The following SEMA5A variants were observed in gnomAD, a reference collection of about 807,000 sequenced individuals.
SEMA5A encodes the protein semaphorin 5A.
SEMA5A carries 55 observed loss-of-function variants against 135.5 expected under a neutral mutation model. That is an observed-to-expected ratio of 0.41 (90% CI 0.33 to 0.51). SEMA5A has a LOEUF of 0.51. Among genes scored for constraint, SEMA5A ranks in the 20% least tolerant of loss-of-function variants. The pLI, the probability that SEMA5A is intolerant of heterozygous loss-of-function variation, is 0.37. For synonymous variants in SEMA5A, 580 were observed against 546.5 expected, an observed-to-expected ratio of 1.06 and a Z score of -0.85; for missense variants, 1,290 against 1,419.9, an observed-to-expected ratio of 0.91 and a Z score of 1.47.
At chr5:9,291,762 T>C (rs1229357236) in intron 5 of SEMA5A, among the ~76,000 whole-genome samples, 1 of 86,096 alleles carries the variant, frequency 1.2e-5, no homozygotes, top group South Asian at 4.3e-4. Flanking sequence ...AGCCAAGTTC[T>C]TTTTTTTTTT....
intron 2 of SEMA5A, among the ~76,000 whole-genome samples, chr5:9,418,535 C>T (rs1416722184): frequency 6.6e-6 from 1 of 152,192 alleles, no homozygotes; most frequent in African/African-American, 2.4e-5. Flanking sequence ...TCCTCAGCCC[C>T]CTCCCATGAT....
intron 11 of SEMA5A, among the ~76,000 whole-genome samples, chr5:9,167,749 G>C (rs1348422743): frequency 6.6e-6 from 1 of 152,150 alleles, no homozygotes; most frequent in East Asian, 1.9e-4. Context: ...AGTGCATTAA[G>C]TCAAACCAAA....
intron 1 of SEMA5A, among the ~76,000 whole-genome samples, chr5:9,491,014 A>T (rs2126799851): frequency 6.6e-6 from 1 of 152,252 alleles, no homozygotes; most frequent in African/African-American, 2.4e-5. Context: ...GAGTTGTCCA[A>T]ACCCATGGGC....
intron 11 of SEMA5A, among the ~76,000 whole-genome samples, chr5:9,167,932 T>C (rs1165532453): frequency 6.6e-6 from 1 of 152,152 alleles, no homozygotes; most frequent in Non-Finnish European, 1.5e-5. Flanking sequence ...CAGAAGTCAA[T>C]CTTTAAGCTC....
chr5:9,212,072 C>A (rs1485630465), intron 8 of SEMA5A, among the ~76,000 whole-genome samples: 3 of 152,238 alleles, frequency 2.0e-5, no homozygotes, highest in Non-Finnish European at 4.4e-5. Flanking sequence ...GATGTTCATG[C>A]TGAGTTATTA....
At chr5:9,486,011 G>A (rs540001962) in intron 1 of SEMA5A, among the ~76,000 whole-genome samples, 3 of 151,892 alleles carry the variant, frequency 2.0e-5, no homozygotes, top group Admixed American at 2.0e-4. Flanking sequence ...AAACTCCTTG[G>A]GGACCAACCC....
intron 6 of SEMA5A, among the ~76,000 whole-genome samples, chr5:9,233,827 C>T (rs993691448): frequency 1.3e-5 from 2 of 152,118 alleles, no homozygotes. Flanking sequence ...CCCTGCACAC[C>T]CAGCCACCTC....
At chr5:9,522,903 A>C (rs986798878) in intron 1 of SEMA5A, 3 of 152,202 alleles carry the variant, frequency 2.0e-5, no homozygotes, top group African/African-American at 7.2e-5. Flanking sequence ...ATAGCTCTTC[A>C]TAATGTTATT....
At chr5:9,189,126 C>A (rs1744957460) in intron 11 of SEMA5A, among the ~76,000 whole-genome samples, 1 of 152,240 alleles carries the variant, frequency 6.6e-6, no homozygotes, top group African/African-American at 2.4e-5. Context: ...CCTTCTCAGT[C>A]CCTGCTTAGC....
At chr5:9,423,492 A>G (rs1307716491) in intron 2 of SEMA5A, among the ~76,000 whole-genome samples, 2 of 152,234 alleles carry the variant, frequency 1.3e-5, no homozygotes, top group African/African-American at 2.4e-5. Context: ...AGACAGTCAT[A>G]TATTCTACTT....
At chr5:9,193,627 C>T (rs1011592193) in intron 10 of SEMA5A, among the ~76,000 whole-genome samples, 1 of 152,136 alleles carries the variant, frequency 6.6e-6, no homozygotes, top group Admixed American at 6.5e-5. Flanking sequence ...AGGCCGGGGG[C>T]GGTGGCTCAC....
At chr5:9,092,103 CA>C in intron 16 of SEMA5A, among the ~76,000 whole-genome samples, 1 of 152,294 alleles carries the variant, frequency 6.6e-6, no homozygotes, top group African/African-American at 2.4e-5. Context: ...TCAAGCTCAG[CA>C]AGTCAACCAG....
intron 1 of SEMA5A, among the ~76,000 whole-genome samples, chr5:9,540,050 A>G (rs193121932): frequency 7.2e-4 from 109 of 152,316 alleles, no homozygotes; most frequent in Non-Finnish European, 1.3e-3. Context: ...GTCTTGCTTA[A>G]GCCTTAGTCC....
At chr5:9,185,894 A>G (rs1019946052) in intron 11 of SEMA5A, among the ~76,000 whole-genome samples, 1 of 152,186 alleles carries the variant, frequency 6.6e-6, no homozygotes, top group Non-Finnish European at 1.5e-5. Context: ...CGGCAGCCAC[A>G]TGTCTGGACC....
chr5:9,407,109 C>T (rs542069840), intron 2 of SEMA5A, among the ~76,000 whole-genome samples: 1 of 152,292 alleles, frequency 6.6e-6, no homozygotes, highest in South Asian at 2.1e-4. Context: ...ACAGTCTTGA[C>T]AATCTTAGTG....
intron 1 of SEMA5A, among the ~76,000 whole-genome samples, chr5:9,505,986 A>G (rs1735860960): frequency 6.6e-6 from 1 of 152,224 alleles, no homozygotes; most frequent in African/African-American, 2.4e-5. Flanking sequence ...ATATCAAGAG[A>G]AATGGCACTG....
At chr5:9,346,044 T>C (rs142830461) in intron 3 of SEMA5A, among the ~76,000 whole-genome samples, 14 of 152,194 alleles carry the variant, frequency 9.2e-5, no homozygotes, top group African/African-American at 2.9e-4. Context: ...TATATTCTGT[T>C]TTCCTGCTTG....
At chr5:9,491,008 T>C (rs1415154448) in intron 1 of SEMA5A, among the ~76,000 whole-genome samples, 1 of 152,122 alleles carries the variant, frequency 6.6e-6, no homozygotes, top group Non-Finnish European at 1.5e-5. Flanking sequence ...GCCACAGAGT[T>C]GTCCAAACCC....
At chr5:9,238,022 CAT>C (rs1748005095) in intron 5 of SEMA5A, 132 bp from the exon 6 acceptor site, 1 of 731,996 alleles carries the variant, frequency 1.4e-6, no homozygotes. Flanking sequence ...TTTTCATACT[CAT>C]AGAATTTACA....
Sources: gnomAD v4.1 joint callset for allele counts (sites outside exome capture counted in the v4.1 genomes callset) on GRCh38, gnomAD v4.1.1 for gene constraint, MANE v1.5 for transcripts, NCBI Gene and HGNC (gene_info 2026-07-23, HGNC 2026-07-21) for gene names.